PTPRD: variants seen among roughly 807,000 people sequenced by gnomAD.
The protein encoded by PTPRD is receptor-type tyrosine-protein phosphatase delta.
A neutral mutation model predicts 214.5 loss-of-function variants in PTPRD; 34 were observed. The observed-to-expected ratio is 0.16, with a 90% CI of 0.12 to 0.21. The LOEUF is 0.21. PTPRD is among the 10% of genes least tolerant of loss of function. The pLI is 1.00. For missense variants in PTPRD, 2,545 were observed against 2,398.7 expected (o/e 1.06, Z -1.27); for synonymous variants, 1,128 against 845.7 (o/e 1.33, Z -5.79).
intron 3 of PTPRD, among the ~76,000 whole-genome samples, chr9:10,133,189 T>A (rs1352902560): frequency 1.3e-5 from 2 of 152,084 alleles, no homozygotes; most frequent in Non-Finnish European, 2.9e-5. Context: ...ATTTTGGGGA[T>A]GGAGATCACT....
At chr9:8,885,301 C>T (rs919569558) in intron 11 of PTPRD, among the ~76,000 whole-genome samples, 4 of 151,958 alleles carry the variant, frequency 2.6e-5, no homozygotes, top group African/African-American at 9.7e-5. Flanking sequence ...TTTCCTGGGA[C>T]TAAGGGGTTT....
intron 10 of PTPRD, among the ~76,000 whole-genome samples, chr9:9,041,648 A>T (rs1333119192): frequency 6.6e-6 from 1 of 152,190 alleles, no homozygotes; most frequent in East Asian, 1.9e-4. Flanking sequence ...GCGTGAACTC[A>T]AATGAGTAAA....
chr9:8,471,763 T>C (rs2135012395), intron 30 of PTPRD, among the ~76,000 whole-genome samples: 1 of 152,194 alleles, frequency 6.6e-6, no homozygotes, highest in South Asian at 2.1e-4. Context: ...AACTGAATAC[T>C]TACACTGAGA....
At chr9:9,435,310 A>C (rs981087150) in intron 8 of PTPRD, among the ~76,000 whole-genome samples, 3 of 151,964 alleles carry the variant, frequency 2.0e-5, no homozygotes, top group African/African-American at 7.3e-5. Context: ...CAGGAGTTTG[A>C]GACAAGCCCA....
At chr9:8,621,783 T>C (rs1424825277) in intron 14 of PTPRD, among the ~76,000 whole-genome samples, 3 of 151,928 alleles carry the variant, frequency 2.0e-5, no homozygotes, top group Non-Finnish European at 4.4e-5. Flanking sequence ...TCTATCATCA[T>C]AAGTTATAAT....
intron 4 of PTPRD, among the ~76,000 whole-genome samples, chr9:9,945,329 T>C (rs958903994): frequency 3.3e-5 from 5 of 152,052 alleles, no homozygotes; most frequent in Non-Finnish European, 5.9e-5. Flanking sequence ...ATTATAAACA[T>C]AGAGATCACA....
intron 3 of PTPRD, among the ~76,000 whole-genome samples, chr9:10,326,328 T>G (rs1037519411): frequency 2.6e-5 from 4 of 151,744 alleles, no homozygotes; most frequent in Non-Finnish European, 5.9e-5. Context: ...CAGAAGGCTA[T>G]GTGTATTATA....
At chr9:9,796,471 C>T (rs923103508) in intron 5 of PTPRD, among the ~76,000 whole-genome samples, 7 of 151,966 alleles carry the variant, frequency 4.6e-5, no homozygotes, top group African/African-American at 1.2e-4. Flanking sequence ...GAAAAATAGT[C>T]ATGTAAATTT....
intron 3 of PTPRD, among the ~76,000 whole-genome samples, chr9:10,281,328 A>G (rs141097559): frequency 1.6e-4 from 25 of 152,336 alleles, no homozygotes; most frequent in Non-Finnish European, 3.4e-4. Context: ...CATTTGCTAC[A>G]TATTGAAATC....
chr9:9,989,561 A>G (rs2095842142), intron 4 of PTPRD, among the ~76,000 whole-genome samples: 1 of 152,038 alleles, frequency 6.6e-6, no homozygotes, highest in Non-Finnish European at 1.5e-5. Flanking sequence ...CTTCTTGCCG[A>G]GAGCCACTTC....
intron 3 of PTPRD, among the ~76,000 whole-genome samples, chr9:10,272,952 T>G (rs543245296): frequency 1.3e-5 from 2 of 152,298 alleles, no homozygotes; most frequent in East Asian, 3.9e-4. Context: ...CTCAATTCAG[T>G]AGAGATGAAA....
chr9:9,066,308 A>G (rs948208785), intron 10 of PTPRD, among the ~76,000 whole-genome samples: 2 of 151,950 alleles, frequency 1.3e-5, no homozygotes, highest in Non-Finnish European at 2.9e-5. Flanking sequence ...TTTTTTTTTC[A>G]TGAGAATGTT....
chr9:9,158,682 G>A (rs752595409), intron 10 of PTPRD, among the ~76,000 whole-genome samples: 1 of 152,036 alleles, frequency 6.6e-6, no homozygotes, highest in Non-Finnish European at 1.5e-5. Flanking sequence ...AAATTGAAGT[G>A]GAGGGAATAC....
chr9:9,302,059 C>G (rs866922849), intron 9 of PTPRD, among the ~76,000 whole-genome samples: 5 of 151,880 alleles, frequency 3.3e-5, no homozygotes, highest in Non-Finnish European at 5.9e-5. Context: ...AATATCATGG[C>G]TCTTTCATAT....
intron 7 of PTPRD, among the ~76,000 whole-genome samples, chr9:9,712,429 C>A (rs1463727871): frequency 1.3e-5 from 2 of 152,056 alleles, no homozygotes; most frequent in Admixed American, 6.6e-5. Context: ...TACTCCAGTT[C>A]ATTAATATTT....
At chr9:9,359,137 T>A (rs1182658981) in intron 9 of PTPRD, among the ~76,000 whole-genome samples, 1 of 151,316 alleles carries the variant, frequency 6.6e-6, no homozygotes, top group Non-Finnish European at 1.5e-5. Context: ...GGGTGGCAAC[T>A]TTTCCTTCAT....
At chr9:9,865,753 A>C (rs1019938823) in intron 5 of PTPRD, among the ~76,000 whole-genome samples, 7 of 152,250 alleles carry the variant, frequency 4.6e-5, no homozygotes, top group African/African-American at 1.7e-4. Flanking sequence ...CTTACTAAGA[A>C]ATATAAGCTA....
chr9:9,440,797 T>C (rs2087336564), intron 8 of PTPRD, among the ~76,000 whole-genome samples: 1 of 152,198 alleles, frequency 6.6e-6, no homozygotes. Flanking sequence ...TCAATCGCAA[T>C]AATATGGCAT....
rs981969882 is a variant in PTPRD, at chr9:9,203,553, G to C, written c.-202-20190C>G. On this transcript the variant is annotated intron_variant, in intron 9 of 45. Transcript: ENST00000381196. ...GAGGTATCATTTTAATCTTCTATCAGTCCCACTGTTACAGTTCGGGTTCTT... is the reference window on the plus strand; with the variant it reads ...GAGGTATCATTTTAATCTTCTATCACTCCCACTGTTACAGTTCGGGTTCTT... Among the ~76,000 whole-genome samples, 35 of 151,896 alleles carry C rather than the reference G, an allele frequency of 2.3e-4. 3 individuals carry two copies. The highest frequency in any genetic ancestry group is 1.9e-3 in the Admixed American group (29 of 15,242).
Sources: allele counts gnomAD v4.1 joint callset (sites outside exome capture counted in the v4.1 genomes callset), GRCh38; gene constraint gnomAD v4.1.1; transcripts MANE v1.5; gene names NCBI Gene and HGNC (gene_info 2026-07-23, HGNC 2026-07-21).